The following MUC5B variants were observed in gnomAD, a reference collection of about 807,000 sequenced individuals.
MUC5B encodes mucin 5B, oligomeric mucus/gel-forming, also known as mucin-5B.
MUC5B carries 116 observed loss-of-function variants against 376.9 expected under a neutral mutation model. The ratio of observed to expected loss-of-function variants is 0.31; its 90% CI spans 0.26 to 0.36. MUC5B has a LOEUF of 0.36. Ranked by LOEUF, MUC5B falls within the 10% of genes least tolerant of loss-of-function variation. The probability of loss-of-function intolerance (pLI) is 1.00; values close to 1 mark genes in which losing one functional copy is unlikely to be tolerated. For synonymous variants in MUC5B, 3,517 were observed against 3,390.9 expected (o/e 1.04, Z -1.29); for missense variants, 7,165 against 7,769.9 (o/e 0.92, Z 2.93).
At position 1,241,758 on chromosome 11, in the gene MUC5B, C is replaced by T. The variant is rs1862289899; in HGVS notation, c.4878C>T (p.Ala1626=). The T allele has an allele frequency of 6.2e-7, 1 of 1,612,322 alleles. No individual in the cohort carries two copies. Among genetic ancestry groups the T allele is most frequent in the African/African-American group, 1.3e-5 (1 of 74,874 alleles). ...CGGCCACCACCACCACCACCCAGGCCCTGTTCTCAACGCCGCAGCCTACGA... is the reference window on the plus strand; with the variant it reads ...CGGCCACCACCACCACCACCCAGGCTCTGTTCTCAACGCCGCAGCCTACGA... ...LETATTTTTQ[A]LFSTPQPTSS... Residue 1626 remains alanine, a synonymous_variant, in exon 31 of 49, where the codon GCC becomes GCT. Transcript: ENST00000529681.
chr11:1,240,382 C>T lies in MUC5B; in HGVS notation c.3970+7C>T, dbSNP rs2133822620. The stretch of plus-strand genomic sequence containing the variant: ...GTCCCCCACTCCACGACAAGTAAGC[C>T]CTGCCTGGCTCTCCTGAGGCCCAGT... On this transcript the variant is annotated splice_region_variant and intron_variant, in intron 30 of 48. Transcript: ENST00000529681. 6.3e-7 allele frequency: 1 copy of T among 1,586,336 alleles called. No homozygotes were observed. The highest frequency in any genetic ancestry group is 2.2e-5 in the East Asian group (1 of 44,450).
Position 1,257,637 on chromosome 11 carries a change from G to A in MUC5B, c.16377G>A (p.Pro5459=), listed in dbSNP as rs374620537. ...GTGACGCCCAGGGTCAGCCCCCGCC[G>A]TGCAACCGTCCCGGCTTCGTAACCG... ...LPCDAQGQPP[P]CNRPGFVTVT... Residue 5459 remains proline (P), a synonymous_variant, in exon 41 of 49, where the codon CCG becomes CCA. Coordinates refer to ENST00000529681, the MANE Select transcript of MUC5B (RefSeq NM_002458.3). The surrounding 1 kb of genome is among the most constrained non-coding windows in gnomAD (Gnocchi z 8.9). 1.9e-4 allele frequency: 310 copies of A among 1,598,672 alleles called. 2 individuals carry two copies. The South Asian group carries it at 2.2e-3, about 11-fold the overall frequency.
rs370575182 is a variant in MUC5B, at chr11:1,239,902, C to T, written c.3687C>T (p.Asp1229=). 82 of 1,613,206 alleles carry T rather than the reference C, an allele frequency of 5.1e-5. No individual in the cohort carries two copies. Among genetic ancestry groups the T allele is most frequent in the South Asian group, 3.0e-4 (27 of 90,972 alleles). The change falls in exon 28 of 49, where the codon GAC becomes GAT. Residue 1229 remains aspartate (D), a synonymous_variant. Coordinates refer to ENST00000529681, the MANE Select transcript of MUC5B (RefSeq NM_002458.3). ...ACGACAAGGACGGAAACTACTATGA[C>T]GTCGGTGCAAGGGTCCCCACAGCGG... ...GCYDKDGNYY[D]VGARVPTAEN...
rs1248170443 is a variant in MUC5B, at chr11:1,250,757, C to G, written c.13877C>G (p.Thr4626Arg). ...PVWISTTTTP[T>R]TTTPTTSGST... ...TGGATCAGCACAACCACCACACCCA[C>G]AACCACCACACCCACAACCAGTGGC... is the stretch of plus-strand genomic sequence containing the variant. Residue 4626 changes from threonine (T) to arginine (R), a missense_variant, in exon 31 of 49, where the codon ACA (threonine) becomes AGA (arginine). Coordinates refer to ENST00000529681, the MANE Select transcript of MUC5B (RefSeq NM_002458.3). 4 of 1,612,072 alleles carry G rather than the reference C, an allele frequency of 2.5e-6. No individual in the cohort carries two copies. Among genetic ancestry groups the G allele is most frequent in the Non-Finnish European group, 2.5e-6 (3 of 1,178,780 alleles).
In MUC5B at chr11:1,245,107, C is replaced by T. The variant is rs1474288611; in HGVS notation, c.8227C>T (p.His2743Tyr). ...TCCCTCCTCTGCCCTAGGGACCACC[C>T]ACACACCCCCAGTGCCGAACACCAC... The part of the protein sequence containing the change: ...VTPSSALGTT[H>Y]TPPVPNTTAT... Residue 2743 changes from histidine to tyrosine, a missense_variant, in exon 31 of 49, where the codon CAC (histidine) becomes TAC (tyrosine). Physicochemically the swap from His to Tyr is moderately conservative, Grantham distance 83. This residue lies in a region of MUC5B where 70 missense variants were observed against 169.1 expected (regional missense o/e 0.41). Transcript: ENST00000529681. 5 of 1,538,802 alleles carry T rather than the reference C, an allele frequency of 3.2e-6. No homozygotes were observed. Among genetic ancestry groups the T allele is most frequent in the Non-Finnish European group, 4.4e-6 (5 of 1,139,358 alleles).
rs147470207 is a variant in MUC5B, at chr11:1,232,543, C to T, written c.1937C>T (p.Ser646Leu). 705 of 1,609,648 alleles carry T rather than the reference C, an allele frequency of 4.4e-4. 7 individuals are homozygous for T. The African/African-American group carries it at 8.2e-3, about 19-fold the overall frequency. ...HSIINPKPFH[S>L]NCMFDTCNCE... ...ATCATCAACCCCAAGCCCTTCCACT[C>T]GGTGAGAGGCTGAGGCCAGACCCCC... Residue 646 changes from serine (S) to leucine (L), a missense_variant and splice_region_variant, in exon 16 of 49, where the codon TCG (serine) becomes TTG (leucine). This residue lies in a region of MUC5B where 530 missense variants were observed against 604.0 expected (regional missense o/e 0.88). Coordinates refer to ENST00000529681, the MANE Select transcript of MUC5B (RefSeq NM_002458.3).
Position 1,257,527 on chromosome 11 carries a change from C to G in MUC5B, c.16270-3C>G. On this transcript the variant is annotated splice_polypyrimidine_tract_variant and splice_region_variant and intron_variant, in intron 40 of 48. Coordinates refer to ENST00000529681, the MANE Select transcript of MUC5B (RefSeq NM_002458.3). The surrounding 1 kb of genome is among the most constrained non-coding windows in gnomAD (Gnocchi z 8.9). ...CCTCAGGGACCCCCTTGATCCATTC[C>G]AGCCCGGGGAGCGGTGGGTCAGCAA... The G allele has an allele frequency of 6.2e-7, 1 of 1,608,168 alleles. No homozygotes were observed. The highest frequency in any genetic ancestry group is 8.5e-7 in the Non-Finnish European group (1 of 1,179,282).
rs112851053 is a variant in MUC5B at position 1,227,766 on chromosome 11, C to T, written c.759C>T (p.Gly253=). The T allele has an allele frequency of 1.4e-6, 1 of 717,356 alleles. No individual in the cohort carries two copies. Among genetic ancestry groups the T allele is most frequent in the Non-Finnish European group, 2.6e-6 (1 of 384,870 alleles). The allele number at this position is 717,356 out of a possible 1,614,324, so 44.4% of individuals were successfully genotyped here. ...CGGACCCGCTGCCCTTGCCGGCCGG[C>T]AACTGCACGGACGAGGTGAGTCCCC... ...QCPDPLPLPA[G]NCTDEEGICH... The change falls in exon 7 of 49, where the codon GGC becomes GGT. Residue 253 remains glycine, a synonymous_variant. Coordinates refer to ENST00000529681, the MANE Select transcript of MUC5B (RefSeq NM_002458.3).
chr11:1,255,003 C>A, intron 35 of MUC5B, 38 bp from the exon 36 acceptor site: 1 of 1,544,644 alleles, frequency 6.5e-7, no homozygotes, highest in South Asian at 1.2e-5. Flanking sequence ...TGAAAGGCTC[C>A]CCAGATTCCA....
chr11:1,235,156 G>C lies in MUC5B; in HGVS notation c.2702G>C (p.Gly901Ala). ...GGCACCTGCGTGGCCTACGGGGATG[G>C]CCACTTCATCACCTTTGATGGCGAT... ...CLGTCVAYGD[G>A]HFITFDGDRY... The change falls in exon 22 of 49, where the codon GGC (glycine) becomes GCC (alanine). Residue 901 changes from glycine (G) to alanine (A), a missense_variant. Coordinates refer to ENST00000529681, the MANE Select transcript of MUC5B (RefSeq NM_002458.3). 6.2e-7 allele frequency: 1 copy of C among 1,613,028 alleles called. No individual in the cohort carries two copies.
intron 13 of MUC5B, 30 bp from the exon 14 acceptor site, chr11:1,231,393 T>C: frequency 6.3e-7 from 1 of 1,592,058 alleles, no homozygotes. Flanking sequence ...CCTGCACCCC[T>C]GACCGGCCTC....
intron 47 of MUC5B, 74 bp from the exon 48 acceptor site, chr11:1,260,552 G>C: frequency 6.7e-7 from 1 of 1,490,236 alleles, no homozygotes; most frequent in Non-Finnish European, 9.3e-7. Flanking sequence ...CCCATGGGGA[G>C]GGTCGGCCCA....
At chr11:1,226,180 T>C (rs1861875782) in intron 2 of MUC5B, 25 bp from the exon 3 acceptor site, 4 of 1,543,338 alleles carry the variant, frequency 2.6e-6, no homozygotes, top group Non-Finnish European at 3.5e-6. Context: ...GCCACGTTCC[T>C]GGGGTGACCA....
In MUC5B at chr11:1,241,611, G is replaced by C; in HGVS notation, c.4731G>C (p.Arg1577Ser). 1 of 1,612,474 alleles carries C rather than the reference G, an allele frequency of 6.2e-7. No individual in the cohort carries two copies. The highest frequency in any genetic ancestry group is 8.5e-7 in the Non-Finnish European group (1 of 1,179,506). ...ACGTCCACTTCGGCCTGGTGTGCAG[G>C]AACTGGGAGCAGGAGGGCGTCTTCA... ...HCDVHFGLVC[R>S]NWEQEGVFKM... The change falls in exon 31 of 49, where the codon AGG (arginine) becomes AGC (serine). Residue 1577 changes from arginine to serine, a missense_variant. Around this residue, in one of 31 missense-constraint regions of MUC5B, gnomAD observed 25 missense variants for 46.5 expected, o/e 0.54. Transcript: ENST00000529681.
rs1276120778 is a variant in MUC5B at position 1,234,240 on chromosome 11, A to G, written c.2413A>G (p.Asn805Asp). 6.2e-7 allele frequency: 1 copy of G among 1,607,058 alleles called. No homozygotes were observed. The change falls in exon 20 of 49, where the codon AAC (asparagine) becomes GAC (aspartate). Residue 805 changes from asparagine (N) to aspartate (D), a missense_variant. Asn to Asp is a conservative substitution (Grantham distance 23). Coordinates refer to ENST00000529681, the MANE Select transcript of MUC5B (RefSeq NM_002458.3). The surrounding 1 kb of genome is among the most constrained non-coding windows in gnomAD (Gnocchi z 6.3). The part of the protein sequence containing the change: ...AAPMVYLDCS[N>D]SSAGTPGAEC... Reference sequence around the variant, plus strand: ...CCCCATGGTGTACCTGGACTGCAGCAACAGCTCGGCGGGCACCCCTGGGGC... The same window carrying G: ...CCCCATGGTGTACCTGGACTGCAGCGACAGCTCGGCGGGCACCCCTGGGGC...
In MUC5B at chr11:1,244,891, A is replaced by G. The variant is rs762836520; in HGVS notation, c.8011A>G (p.Thr2671Ala). The G allele has an allele frequency of 2.5e-6, 4 of 1,609,284 alleles. No individual in the cohort carries two copies. The East Asian group carries it at 6.7e-5, about 27-fold the overall frequency. Reference protein sequence around the residue: ...VLTTTTTTVATGSMATPSSST... With the variant: ...VLTTTTTTVAAGSMATPSSST... The stretch of plus-strand genomic sequence containing the variant: ...GACCACCACCACCACAACTGTGGCC[A>G]CTGGTTCTATGGCAACACCCTCCTC... The change falls in exon 31 of 49, where the codon ACT (threonine) becomes GCT (alanine). Residue 2671 changes from threonine (T) to alanine (A), a missense_variant. Physicochemically the swap from Thr to Ala is moderately conservative, Grantham distance 58. Around this residue, in one of 31 missense-constraint regions of MUC5B, gnomAD observed 141 missense variants for 111.2 expected, o/e 1.27. Coordinates refer to ENST00000529681, the MANE Select transcript of MUC5B (RefSeq NM_002458.3).
intron 14 of MUC5B, 48 bp downstream of exon 14, chr11:1,231,608 CCTGGACTAGCGCCAG>C: frequency 6.6e-7 from 1 of 1,524,178 alleles, no homozygotes; most frequent in Non-Finnish European, 8.8e-7. Context: ...GGGGACGGGG[CCTGGACTAGCGCCAG>C]GCTGCAGGGA....
rs1862758150 is a variant in MUC5B, at chr11:1,253,566, C to T, written c.15218-526C>T. Among the ~76,000 whole-genome samples, 1 of 152,186 alleles carries T rather than the reference C, an allele frequency of 6.6e-6. No homozygotes were observed. The highest frequency in any genetic ancestry group is 2.1e-4 in the South Asian group (1 of 4,830). ...GCCACAAGCTGGGGAGCTTATACAA[C>T]AGAAACCCACTCTCCGTCCTGGAGC... On this transcript the variant is annotated intron_variant, in intron 33 of 48. Transcript: ENST00000529681. The surrounding 1 kb of genome is among the most constrained non-coding windows in gnomAD (Gnocchi z 4.3).
intron 24 of MUC5B, 141 bp downstream of exon 24, chr11:1,236,703 C>G (rs918138225): frequency 8.1e-6 from 9 of 1,116,020 alleles, no homozygotes; most frequent in African/African-American, 3.1e-5. Flanking sequence ...GTGGCCTCCA[C>G]AGTGGGCAGA....
Sources: gnomAD v4.1 joint callset for allele counts (sites outside exome capture counted in the v4.1 genomes callset) on GRCh38, gnomAD v4.1.1 for gene constraint, gnomAD v4.1.1 regional missense constraint, Gnocchi (gnomAD v3.1) non-coding constraint, MANE v1.5 for transcripts, NCBI Gene and HGNC (gene_info 2026-07-23, HGNC 2026-07-21) for gene names.